HERC3: variants seen among roughly 807,000 people sequenced by gnomAD.
HERC3 encodes the protein probable E3 ubiquitin-protein ligase HERC3.
A neutral mutation model predicts 129.9 loss-of-function variants in HERC3; 58 were observed. The ratio of observed to expected loss-of-function variants is 0.45; its 90% CI spans 0.36 to 0.56. The LOEUF is 0.56. Ranked by LOEUF, HERC3 falls within the 20% of genes least tolerant of loss-of-function variation. HERC3 has a pLI of 0.00. For synonymous variants in HERC3, 430 were observed against 451.0 expected, an observed-to-expected ratio of 0.95 and a Z score of 0.59; for missense variants, 835 against 1,244.2, an observed-to-expected ratio of 0.67 and a Z score of 4.95.
chr4:88,555,291 AAAAAG>A, the HERC3 span, among the ~76,000 whole-genome samples: 5 of 130,220 alleles, frequency 3.8e-5, no homozygotes, highest in Admixed American at 2.9e-4. Context: ...CAAAAAAAAA[AAAAAG>A]AAAAAGAAAA....
chr4:88,668,157 T>TCCAC, intron 14 of HERC3, 76 bp downstream of exon 14: 2 of 1,134,538 alleles, frequency 1.8e-6, no homozygotes, highest in Non-Finnish European at 2.6e-6. Context: ...TCTCAGTGGA[T>TCCAC]TGAGATCCAA....
Position 88,702,151 on chromosome 4 carries a change from TTA to T in HERC3, c.2658-1945_2658-1944del, listed in dbSNP as rs1735376384. Among the ~76,000 whole-genome samples the T allele has an allele frequency of 5.3e-5, 8 of 152,350 alleles. No homozygotes were observed. The South Asian group carries it at 1.4e-3, about 28-fold the overall frequency. ...TTTTAAAAATGAACACTTACACATC[TTA>T]TGTATGCATCATATTTATAATTTCA... On this transcript the variant is annotated intron_variant, in intron 23 of 25. Coordinates refer to ENST00000402738, the MANE Select transcript of HERC3 (RefSeq NM_014606.3).
intron 23 of HERC3, chr4:88,697,797 G>A (rs1447955198): frequency 6.5e-7 from 1 of 1,539,158 alleles, no homozygotes; most frequent in Non-Finnish European, 8.7e-7. Context: ...CTCCCGCAGA[G>A]GCCCTGCACC....
At chr4:88,628,262 TTAA>T (rs1726349606) in intron 3 of HERC3, among the ~76,000 whole-genome samples, 1 of 152,254 alleles carries the variant, frequency 6.6e-6, no homozygotes, top group African/African-American at 2.4e-5. Context: ...TTGTTCGGTG[TTAA>T]TGAGTTGATC....
chr4:88,549,233 G>T, the HERC3 span, among the ~76,000 whole-genome samples: 1 of 151,778 alleles, frequency 6.6e-6, no homozygotes, highest in Non-Finnish European at 1.5e-5. Context: ...ACCATTTTTG[G>T]GGGGGTGAGT....
rs111786692 is a variant in HERC3, at chr4:88,689,940, A to ATT, written c.2657+2650_2657+2651dup. ...TGATCTCATACATCATTCATTAACC[A>ATT]TTTTTTTTTTGTCATGTTAACCTTC... On this transcript the variant is annotated intron_variant, in intron 23 of 25. Coordinates refer to ENST00000402738, the MANE Select transcript of HERC3 (RefSeq NM_014606.3). 2,829 of 840,682 alleles carry ATT rather than the reference A, an allele frequency of 3.4e-3. 49 individuals are homozygous for ATT. In the African/African-American group the frequency reaches 0.047, roughly 14 times the overall value. 52.1% of individuals were successfully genotyped at this position (840,682 alleles called of 1,614,324 possible). A position where few individuals can be genotyped will look rare whatever the true frequency, so the allele number is the denominator to read the frequency against.
chr4:88,582,170 G>C, the HERC3 span, among the ~76,000 whole-genome samples: 1 of 152,094 alleles, frequency 6.6e-6, no homozygotes, highest in Non-Finnish European at 1.5e-5. Context: ...TTCTATTTCT[G>C]TATAGACTAA....
At chr4:88,557,144 G>A in the HERC3 span, among the ~76,000 whole-genome samples, 1 of 151,396 alleles carries the variant, frequency 6.6e-6, no homozygotes, top group African/African-American at 2.4e-5. Context: ...TCTTTCCCTA[G>A]TTTGAGTTAA....
At chr4:88,698,852 G>A (rs1419795093) in intron 23 of HERC3, among the ~76,000 whole-genome samples, 2 of 74,934 alleles carry the variant, frequency 2.7e-5, no homozygotes, top group South Asian at 4.6e-4. Flanking sequence ...TCCCCCCGCC[G>A]CACTGTCCTT....
intron 3 of HERC3, among the ~76,000 whole-genome samples, chr4:88,629,798 C>T (rs1029532162): frequency 6.6e-6 from 1 of 151,976 alleles, no homozygotes; most frequent in East Asian, 1.9e-4. Flanking sequence ...TATTTATTAC[C>T]AACAGTTTAA....
the HERC3 span, among the ~76,000 whole-genome samples, chr4:88,571,127 G>A: frequency 2.0e-5 from 3 of 152,032 alleles, no homozygotes; most frequent in Non-Finnish European, 2.9e-5. Flanking sequence ...GTCAGTCCCA[G>A]GTGCCATCGT....
Position 88,652,871 on chromosome 4 carries a change from G to T in HERC3, c.466G>T (p.Gly156Cys). Residue 156 changes from glycine (G) to cysteine (C), a missense_variant and splice_region_variant, in exon 6 of 26, where the codon GGC (glycine) becomes TGC (cysteine). Physicochemically the swap from Gly to Cys is radical, Grantham distance 159. Transcript: ENST00000402738. ...NWHCLALAAD[G>C]QFFTWGKNSH... ...TACCAGTTATCCTGTTATTTCAGAT[G>T]GCCAGTTCTTCACCTGGGGAAAGAA... The T allele has an allele frequency of 1.2e-6, 2 of 1,605,778 alleles. No homozygotes were observed. Among genetic ancestry groups the T allele is most frequent in the Non-Finnish European group, 1.7e-6 (2 of 1,174,280 alleles).
At chr4:88,706,074 C>A (rs1735752730) in intron 25 of HERC3, among the ~76,000 whole-genome samples, 1 of 152,196 alleles carries the variant, frequency 6.6e-6, no homozygotes, top group Non-Finnish European at 1.5e-5. Context: ...ATTAGACTTA[C>A]AGAAATGTTT....
the HERC3 span, among the ~76,000 whole-genome samples, chr4:88,536,870 A>G: frequency 6.6e-6 from 1 of 152,198 alleles, no homozygotes; most frequent in Non-Finnish European, 1.5e-5. Context: ...GTACTCTATC[A>G]GAGCTGTCTT....
chr4:88,590,517 C>A (rs1721644252), upstream of HERC3, among the ~76,000 whole-genome samples: 1 of 152,148 alleles, frequency 6.6e-6, no homozygotes. Context: ...CGAGTTTGCG[C>A]CACTGCACTC....
At chr4:88,553,565 CAATT>C in the HERC3 span, among the ~76,000 whole-genome samples, 1 of 152,026 alleles carries the variant, frequency 6.6e-6, no homozygotes, top group Non-Finnish European at 1.5e-5. Context: ...TTCATGAAGA[CAATT>C]AAGAAGGAAA....
chr4:88,697,760 A>G lies in HERC3; in HGVS notation c.2658-6338A>G, dbSNP rs765157422. On this transcript the variant is annotated intron_variant, in intron 23 of 25. Transcript: ENST00000402738. The stretch of plus-strand genomic sequence containing the variant: ...TGGTTTTCCGAGTCGGCCATGTTAG[A>G]GGAGAAGCCGCAGAGGTCTAGGAGG... 38 of 1,601,974 alleles carry G rather than the reference A, an allele frequency of 2.4e-5. No homozygotes were observed. In the East Asian group the frequency reaches 7.8e-4, roughly 33 times the overall value.
chr4:88,629,613 A>G (rs1315541842), intron 3 of HERC3, among the ~76,000 whole-genome samples: 1 of 152,262 alleles, frequency 6.6e-6, no homozygotes, highest in Non-Finnish European at 1.5e-5. Context: ...GTGGTATGTT[A>G]TAAAAATGCC....
the HERC3 span, among the ~76,000 whole-genome samples, chr4:88,539,492 G>A: frequency 6.6e-6 from 1 of 152,200 alleles, no homozygotes; most frequent in Non-Finnish European, 1.5e-5. Context: ...CTGTGGGCAG[G>A]GCATAGCTGA....
Sources: allele counts gnomAD v4.1 joint callset (sites outside exome capture counted in the v4.1 genomes callset), GRCh38; gene constraint gnomAD v4.1.1; transcripts MANE v1.5; gene names NCBI Gene and HGNC (gene_info 2026-07-23, HGNC 2026-07-21).